ANKDD1A: variants seen among roughly 807,000 people sequenced by gnomAD.
ANKDD1A encodes the protein ankyrin repeat and death domain-containing protein 1A.
In ANKDD1A, 59 loss-of-function variants were observed where a neutral mutation model predicts 63.5. The ratio of observed to expected loss-of-function variants is 0.93; its 90% CI spans 0.75 to 1.15. ANKDD1A has a LOEUF of 1.15. ANKDD1A is among the 50% of genes most tolerant of loss of function. ANKDD1A has a pLI of 0.00. For missense variants in ANKDD1A, 632 were observed against 656.4 expected, an observed-to-expected ratio of 0.96 and a Z score of 0.41; for synonymous variants, 266 against 263.9, an observed-to-expected ratio of 1.01 and a Z score of -0.08.
Position 64,956,179 on chromosome 15 carries a change from G to A in ANKDD1A, c.1484-924G>A, listed in dbSNP as rs575937585. On this transcript the variant is annotated intron_variant, in intron 14 of 14. Coordinates refer to ENST00000319580, the MANE Select transcript of ANKDD1A (RefSeq NM_182703.6). ...TAGCTGCACCATTTTTAGAGAAAAA[G>A]CTTCCTTTCTCTCTTCACCTTTTGC... Among the ~76,000 whole-genome samples, 7 of 151,616 alleles carry A rather than the reference G, an allele frequency of 4.6e-5. No individual in the cohort carries two copies. The South Asian group carries it at 1.5e-3, about 32-fold the overall frequency.
At chr15:64,949,725 C>G in intron 13 of ANKDD1A, 116 bp from the exon 14 acceptor site, 1 of 1,481,820 alleles carries the variant, frequency 6.7e-7, no homozygotes. Flanking sequence ...GGCTTTTGGC[C>G]TCTTTCCCAC....
chr15:64,928,245 G>A (rs1184525382), intron 6 of ANKDD1A, among the ~76,000 whole-genome samples: 2 of 152,236 alleles, frequency 1.3e-5, no homozygotes, highest in Non-Finnish European at 2.9e-5. Flanking sequence ...CTTGGGTTCT[G>A]CACTGAGTCC....
At chr15:64,912,103 A>C in intron 1 of ANKDD1A, 139 bp downstream of exon 1, 1 of 882,768 alleles carries the variant, frequency 1.1e-6, no homozygotes. Flanking sequence ...TCCGAGCGGA[A>C]TGGTTACCGG....
In ANKDD1A at chr15:64,951,707, TTTTC is replaced by T. The variant is rs987122751; in HGVS notation, c.1483+1739_1483+1742del. On this transcript the variant is annotated intron_variant, in intron 14 of 14. Coordinates refer to ENST00000319580, the MANE Select transcript of ANKDD1A (RefSeq NM_182703.6). ...TTCTTCTTCCTCTTCTTCTTCCTTA[TTTTC>T]TTTTTCTTCCCTTTTCTTCTTTCCT... is the stretch of plus-strand genomic sequence containing the variant. Among the ~76,000 whole-genome samples the T allele has an allele frequency of 4.0e-3, 84 of 20,742 alleles. 1 individual carries two copies. The highest frequency in any genetic ancestry group is 0.011 in the African/African-American group (80 of 7,104). The allele number at this position is 20,742 out of a possible 152,430, so 13.6% of individuals were successfully genotyped here. A position where few individuals can be genotyped will look rare whatever the true frequency, so the allele number is the denominator to read the frequency against.
At chr15:64,954,215 C>T (rs1382370723) in intron 14 of ANKDD1A, among the ~76,000 whole-genome samples, 1 of 55,764 alleles carries the variant, frequency 1.8e-5, no homozygotes, top group African/African-American at 3.1e-5. Flanking sequence ...TTCTTTTCTT[C>T]TTCTTCTTCT....
chr15:64,930,850 C>A lies in ANKDD1A; in HGVS notation c.599C>A (p.Ala200Asp). The A allele has an allele frequency of 6.2e-7, 1 of 1,613,110 alleles. No homozygotes were observed. Residue 200 changes from alanine (A) to aspartate (D), a missense_variant, in exon 7 of 15, where the codon GCT becomes GAT. By Grantham distance (126) the Ala-to-Asp change is moderately radical. Transcript: ENST00000319580. ...GGGAACACTGCCCTTCATCTGGCTG[C>A]TGGTCGGGGCCATATGGCTGTGCTG... ...KEGNTALHLAAGRGHMAVLQR... is the reference protein window; with the variant it reads ...KEGNTALHLADGRGHMAVLQR...
Position 64,931,485 on chromosome 15 carries a change from A to C in ANKDD1A, c.670-2A>C. On this transcript the variant is annotated splice_acceptor_variant, in intron 7 of 14. Coordinates refer to ENST00000319580, the MANE Select transcript of ANKDD1A (RefSeq NM_182703.6). LOFTEE classifies it high-confidence loss of function. ...CCTCATTGCTCTTCTTGTGTGTTGC[A>C]GGAAGGTCTGACTGCCCTGCATTCG... 1 of 1,613,352 alleles carries C rather than the reference A, an allele frequency of 6.2e-7. No homozygotes were observed.
chr15:64,948,651 C>T (rs1341576167), intron 13 of ANKDD1A, among the ~76,000 whole-genome samples: 1 of 151,988 alleles, frequency 6.6e-6, no homozygotes, highest in African/African-American at 2.4e-5. Context: ...ATGGTGAATC[C>T]CCCGTCTCTA....
chr15:64,924,952 C>T (rs1255754030), intron 4 of ANKDD1A, among the ~76,000 whole-genome samples: 1 of 152,048 alleles, frequency 6.6e-6, no homozygotes, highest in African/African-American at 2.4e-5. Flanking sequence ...CTGGGCCGGG[C>T]GTGGTGGTTC....
At chr15:64,954,059 CTTCT>C (rs1566918292) in intron 14 of ANKDD1A, among the ~76,000 whole-genome samples, 4 of 3,980 alleles carry the variant, frequency 1.0e-3, no homozygotes, top group African/African-American at 1.5e-3. Flanking sequence ...TTTTCTCCTT[CTTCT>C]TTCTTCTTCC....
At chr15:64,954,025 TTTTCTTTC>T (rs1313085872) in intron 14 of ANKDD1A, among the ~76,000 whole-genome samples, 1 of 129,996 alleles carries the variant, frequency 7.7e-6, no homozygotes, top group Admixed American at 8.0e-5. Context: ...TTTCCTCTTC[TTTTCTTTC>T]TTCTTCCTCT....
intron 13 of ANKDD1A, among the ~76,000 whole-genome samples, chr15:64,949,204 C>A (rs2085249209): frequency 6.6e-6 from 1 of 152,242 alleles, no homozygotes; most frequent in African/African-American, 2.4e-5. Flanking sequence ...ACATGTTAAC[C>A]CCATGCCGTG....
intron 5 of ANKDD1A, 41 bp downstream of exon 5, chr15:64,926,211 G>T: frequency 6.3e-7 from 1 of 1,576,466 alleles, no homozygotes; most frequent in Non-Finnish European, 8.7e-7. Flanking sequence ...CCATTGGGCG[G>T]GGGGCTCCTG....
In ANKDD1A at chr15:64,922,102, C is replaced by A. The variant is rs2085011961; in HGVS notation, c.366+83C>A. 4 of 1,252,006 alleles carry A rather than the reference C, an allele frequency of 3.2e-6. No individual in the cohort carries two copies. In the African/African-American group the frequency reaches 4.4e-5, roughly 14 times the overall value. The allele number at this position is 1,252,006 out of a possible 1,614,324, so 77.6% of individuals were successfully genotyped here. ...GTCTCCCCCGACCTCTGTCCCCCAC[C>A]CCTGCTTGCCCCTCCAGCCCCCAAC... On this transcript the variant is annotated intron_variant, in intron 4 of 14. Coordinates refer to ENST00000319580, the MANE Select transcript of ANKDD1A (RefSeq NM_182703.6).
At chr15:64,936,454 A>T (rs776341338) in intron 9 of ANKDD1A, among the ~76,000 whole-genome samples, 1 of 151,998 alleles carries the variant, frequency 6.6e-6, no homozygotes, top group East Asian at 1.9e-4. Flanking sequence ...TATTTATTTA[A>T]TTGTGTCACT....
rs200619751 is a variant in ANKDD1A, at chr15:64,926,042, G to A, written c.367-24G>A. On this transcript the variant is annotated intron_variant, in intron 4 of 14. Transcript: ENST00000319580. ...AAGGGCCTCCCTTCACAGACTGCAGGAACCCTCCTGCACTTGTTTCCAGGA... is the reference window on the plus strand; with the variant it reads ...AAGGGCCTCCCTTCACAGACTGCAGAAACCCTCCTGCACTTGTTTCCAGGA... The A allele has an allele frequency of 3.1e-6, 5 of 1,604,966 alleles. No individual in the cohort carries two copies. In the East Asian group the frequency reaches 1.1e-4, roughly 36 times the overall value.
chr15:64,944,660 A>T lies in ANKDD1A; in HGVS notation c.1074A>T (p.Lys358Asn), dbSNP rs2085209703. 1.2e-6 allele frequency: 2 copies of T among 1,613,792 alleles called. No individual in the cohort carries two copies. Among genetic ancestry groups the T allele is most frequent in the Non-Finnish European group, 1.7e-6 (2 of 1,179,924 alleles). Residue 358 changes from lysine (K) to asparagine (N), a missense_variant, in exon 12 of 15, where the codon AAA (lysine) becomes AAT (asparagine). Transcript: ENST00000319580. The part of the protein sequence containing the change: ...VDLNLRDKQG[K>N]TALAVAVRSN... ...TTGCCTCTTAATTGCAGCAGGGAAA[A>T]ACCGCCCTGGCAGTGGCCGTCCGCA...
At chr15:64,954,541 CTTCTTCTT>C (rs1268624845) in intron 14 of ANKDD1A, among the ~76,000 whole-genome samples, 12 of 3,404 alleles carry the variant, frequency 3.5e-3, no homozygotes, top group Admixed American at 0.031. Flanking sequence ...CCTCCTTCTC[CTTCTTCTT>C]TTCTTCTTCC....
intron 9 of ANKDD1A, among the ~76,000 whole-genome samples, chr15:64,940,515 C>A (rs1434814070): frequency 1.3e-5 from 2 of 152,110 alleles, no homozygotes; most frequent in Non-Finnish European, 2.9e-5. Flanking sequence ...TCACTGCAAG[C>A]TCCGCCTTCC....
Sources: allele counts gnomAD v4.1 joint callset (sites outside exome capture counted in the v4.1 genomes callset), GRCh38; gene constraint gnomAD v4.1.1; transcripts MANE v1.5; gene names NCBI Gene and HGNC (gene_info 2026-07-23, HGNC 2026-07-21).